The following CCSER1 variants were observed in gnomAD, a reference collection of about 807,000 sequenced individuals.
CCSER1 encodes the protein serine-rich coiled-coil domain-containing protein 1.
CCSER1 carries 41 observed loss-of-function variants against 82.0 expected under a neutral mutation model. The observed-to-expected ratio is 0.50, with a 90% confidence interval of 0.39 to 0.65. The LOEUF (loss-of-function observed/expected upper bound fraction) is 0.65. Ranked by LOEUF, CCSER1 falls within the 30% of genes least tolerant of loss-of-function variation. The pLI is 0.00. For synonymous variants in CCSER1, 414 were observed against 383.9 expected, an observed-to-expected ratio of 1.08 and a Z score of -0.92; for missense variants, 1,119 against 1,064.2, an observed-to-expected ratio of 1.05 and a Z score of -0.72.
At chr4:91,185,006 T>C (rs559223979) in intron 10 of CCSER1, among the ~76,000 whole-genome samples, 1 of 152,314 alleles carries the variant, frequency 6.6e-6, no homozygotes, top group South Asian at 2.1e-4. Flanking sequence ...CTTCAGGGCC[T>C]TTACCAACTC....
intron 10 of CCSER1, among the ~76,000 whole-genome samples, chr4:91,407,417 C>G (rs1752766713): frequency 6.6e-6 from 1 of 152,068 alleles, no homozygotes; most frequent in African/African-American, 2.4e-5. Flanking sequence ...AAATAAGTTC[C>G]TAAGAGTTCA....
chr4:91,184,033 A>G (rs1171864467), intron 10 of CCSER1, among the ~76,000 whole-genome samples: 1 of 152,216 alleles, frequency 6.6e-6, no homozygotes, highest in Non-Finnish European at 1.5e-5. Flanking sequence ...GTCCCCAAGT[A>G]GGAGTAAGGA....
At chr4:91,079,947 G>C (rs1055997990) in intron 9 of CCSER1, among the ~76,000 whole-genome samples, 6 of 152,132 alleles carry the variant, frequency 3.9e-5, no homozygotes, top group Admixed American at 3.9e-4. Flanking sequence ...AAGGGACTTA[G>C]ACTCCCACAC....
At chr4:91,424,737 A>G (rs951264172) in intron 10 of CCSER1, among the ~76,000 whole-genome samples, 1 of 152,170 alleles carries the variant, frequency 6.6e-6, no homozygotes, top group African/African-American at 2.4e-5. Flanking sequence ...GATATTATAA[A>G]ATGCAAGGTC....
intron 4 of CCSER1, among the ~76,000 whole-genome samples, chr4:90,462,235 A>G (rs1219965298): frequency 1.3e-5 from 2 of 151,120 alleles, no homozygotes; most frequent in African/African-American, 2.5e-5. Context: ...TAAAAGATAT[A>G]AAGAAGTTTC....
chr4:91,501,673 T>C (rs951828322), intron 10 of CCSER1, among the ~76,000 whole-genome samples: 1 of 152,118 alleles, frequency 6.6e-6, no homozygotes, highest in Admixed American at 6.6e-5. Flanking sequence ...CTTCTGCTTT[T>C]AACATGTTAT....
chr4:91,005,743 G>A (rs1738446961), intron 9 of CCSER1, among the ~76,000 whole-genome samples: 1 of 152,112 alleles, frequency 6.6e-6, no homozygotes, highest in East Asian at 1.9e-4. Context: ...ATAACTTTGT[G>A]TTGATTTTTG....
chr4:90,179,108 C>G lies in CCSER1; in HGVS notation c.-42+51277C>G, dbSNP rs907540331. ...TCTAGTTAGTTTTATATAGCTGTTG[C>G]TTTATATTGTAAATAAAATAGTACT... On this transcript the variant is annotated intron_variant, in intron 1 of 10. Coordinates refer to ENST00000509176, the MANE Select transcript of CCSER1 (RefSeq NM_001145065.2). Among the ~76,000 whole-genome samples, 4 of 152,176 alleles carry G rather than the reference C, an allele frequency of 2.6e-5. No individual in the cohort carries two copies. In the East Asian group the frequency reaches 7.7e-4, roughly 29 times the overall value.
intron 5 of CCSER1, among the ~76,000 whole-genome samples, chr4:90,549,863 A>G (rs17829224): frequency 0.1 from 15,298 of 152,084 alleles, 1,032 homozygotes; most frequent in Non-Finnish European, 0.15. Flanking sequence ...ATTTAAGTAC[A>G]TAATAAAAGG....
chr4:90,500,265 A>G (rs1309685227), intron 5 of CCSER1, among the ~76,000 whole-genome samples: 1 of 152,144 alleles, frequency 6.6e-6, no homozygotes, highest in African/African-American at 2.4e-5. Context: ...ACAGTGTTCT[A>G]AAATGGGCAT....
chr4:91,431,209 C>G (rs1305382584), intron 10 of CCSER1, among the ~76,000 whole-genome samples: 2 of 152,134 alleles, frequency 1.3e-5, no homozygotes, highest in Non-Finnish European at 2.9e-5. Flanking sequence ...GCACTCCAGT[C>G]TGGGCAACAG....
chr4:90,908,252 G>A (rs1253513224), intron 8 of CCSER1, among the ~76,000 whole-genome samples: 2 of 152,022 alleles, frequency 1.3e-5, no homozygotes, highest in Non-Finnish European at 2.9e-5. Context: ...TAAGGCAGTG[G>A]CACCTAATAT....
At chr4:91,153,238 T>C (rs562126902) in intron 10 of CCSER1, among the ~76,000 whole-genome samples, 22 of 152,110 alleles carry the variant, frequency 1.4e-4, no homozygotes, top group African/African-American at 4.3e-4. Context: ...TAAACCTCTC[T>C]TCTCACTTCA....
At chr4:90,661,045 A>G (rs917805491) in intron 6 of CCSER1, among the ~76,000 whole-genome samples, 1 of 152,198 alleles carries the variant, frequency 6.6e-6, no homozygotes, top group African/African-American at 2.4e-5. Flanking sequence ...TGGTGCTTGC[A>G]ATAAAGGAAG....
intron 10 of CCSER1, among the ~76,000 whole-genome samples, chr4:91,269,049 A>C (rs928439980): frequency 1.3e-5 from 2 of 152,186 alleles, no homozygotes. Context: ...AAACTGGGTA[A>C]AAAATTGTAG....
Position 90,309,536 on chromosome 4 carries a change from A to G in CCSER1, c.1252A>G (p.Ile418Val), listed in dbSNP as rs781036125. ...KGIHPISDSK[I>V]IPTSGDHHIF... is the part of the protein sequence containing the mutation. ...GATCCATCCTATTTCAGATTCAAAG[A>G]TAATACCTACTTCTGGTGATCATCA... The change falls in exon 2 of 11, where the codon ATA (isoleucine) becomes GTA (valine). Residue 418 changes from isoleucine to valine, a missense_variant. Physicochemically the swap from Ile to Val is conservative, Grantham distance 29. Transcript: ENST00000509176. The G allele has an allele frequency of 8.1e-6, 13 of 1,612,306 alleles. No individual in the cohort carries two copies. Among genetic ancestry groups the G allele is most frequent in the African/African-American group, 2.7e-5 (2 of 74,884 alleles).
intron 10 of CCSER1, among the ~76,000 whole-genome samples, chr4:91,350,516 A>G (rs1748400333): frequency 6.6e-6 from 1 of 152,158 alleles, no homozygotes; most frequent in African/African-American, 2.4e-5. Flanking sequence ...ATATATAACA[A>G]TAGGGAACAA....
At chr4:91,282,598 A>G (rs1742998130) in intron 10 of CCSER1, among the ~76,000 whole-genome samples, 1 of 152,182 alleles carries the variant, frequency 6.6e-6, no homozygotes, top group Non-Finnish European at 1.5e-5. Flanking sequence ...AGACAGAAAC[A>G]TATTCTTAGA....
chr4:90,703,922 T>C (rs138231150), intron 6 of CCSER1, among the ~76,000 whole-genome samples: 2,331 of 152,316 alleles, frequency 0.015, 61 homozygotes, highest in African/African-American at 0.053. Context: ...CTTTACTCTT[T>C]ATCCAATTTG....
Sources: gnomAD v4.1 joint callset for allele counts (sites outside exome capture counted in the v4.1 genomes callset) on GRCh38, gnomAD v4.1.1 for gene constraint, MANE v1.5 for transcripts, NCBI Gene and HGNC (gene_info 2026-07-23, HGNC 2026-07-21) for gene names.